RYR2: variants seen among roughly 807,000 people sequenced by gnomAD.
The protein encoded by RYR2 is ryanodine receptor 2.
Under a neutral mutation model 601.1 loss-of-function variants are expected in RYR2, and 227 were observed. The ratio of observed to expected loss-of-function variants is 0.38; its 90% CI spans 0.34 to 0.42. The LOEUF (loss-of-function observed/expected upper bound fraction) is 0.42. Ranked by LOEUF, RYR2 falls within the 10% of genes least tolerant of loss-of-function variation. The pLI is 1.00. For synonymous variants in RYR2, 2,223 were observed against 2,175.1 expected (o/e 1.02, Z -0.61); for missense variants, 4,646 against 6,156.5 (o/e 0.75, Z 8.21).
intron 1 of RYR2, among the ~76,000 whole-genome samples, chr1:237,102,904 A>T (rs1183352073): frequency 6.6e-6 from 1 of 152,228 alleles, no homozygotes; most frequent in Non-Finnish European, 1.5e-5. Flanking sequence ...ATTATAAAAT[A>T]CACGTATAAA....
chr1:237,775,703 G>C (rs1304317746), intron 87 of RYR2, among the ~76,000 whole-genome samples: 1 of 152,186 alleles, frequency 6.6e-6, no homozygotes, highest in Non-Finnish European at 1.5e-5. Flanking sequence ...GTATTGTCAA[G>C]GTTCCTACAG....
At chr1:237,200,183 A>G (rs781286771) in intron 1 of RYR2, among the ~76,000 whole-genome samples, 3 of 152,272 alleles carry the variant, frequency 2.0e-5, no homozygotes, top group East Asian at 1.9e-4. Context: ...TCACCAGGCT[A>G]TGCTGCCTCT....
chr1:237,654,267 C>A lies in RYR2; in HGVS notation c.7825-7C>A, dbSNP rs759113939. ...CTCATTGCTTTTATAATTGTTTTCC[C>A]ACATAGCTGCTGACAAATCATTATG... On this transcript the variant is annotated splice_region_variant and splice_polypyrimidine_tract_variant and intron_variant, in intron 51 of 104. Transcript: ENST00000366574. 2 of 1,612,260 alleles carry A rather than the reference C, an allele frequency of 1.2e-6. No individual in the cohort carries two copies. The highest frequency in any genetic ancestry group is 2.2e-5 in the East Asian group (1 of 44,830).
intron 1 of RYR2, among the ~76,000 whole-genome samples, chr1:237,204,060 G>A (rs1681504363): frequency 6.6e-6 from 1 of 152,176 alleles, no homozygotes; most frequent in South Asian, 2.1e-4. Context: ...GCCCAGGCTG[G>A]AGTACAGTGG....
intron 7 of RYR2, among the ~76,000 whole-genome samples, chr1:237,375,735 C>A (rs966278040): frequency 6.6e-6 from 1 of 152,140 alleles, no homozygotes; most frequent in African/African-American, 2.4e-5. Flanking sequence ...CAGGCTCTAT[C>A]ATTCCTCTGT....
Position 237,506,710 on chromosome 1 carries a change from A to C in RYR2, c.2614A>C (p.Ile872Leu). 1 of 1,607,032 alleles carries C rather than the reference A, an allele frequency of 6.2e-7. No homozygotes were observed. Among genetic ancestry groups the C allele is most frequent in the Non-Finnish European group, 8.5e-7 (1 of 1,176,960 alleles). Reference protein sequence around the residue: ...FTPIPVDTSQIVLPPHLERIR... With the variant: ...FTPIPVDTSQLVLPPHLERIR... ...TCTTTTTTCTTTTTGTAAATTTTAG[A>C]TCGTGTTGCCTCCTCATCTAGAAAG... Residue 872 changes from isoleucine to leucine, a missense_variant and splice_region_variant, in exon 23 of 105, where the codon ATC (isoleucine) becomes CTC (leucine). Coordinates refer to ENST00000366574, the MANE Select transcript of RYR2 (RefSeq NM_001035.3).
rs867123745 is a variant in RYR2 at position 237,197,589 on chromosome 1, G to A, written c.49-72908G>A. The stretch of plus-strand genomic sequence containing the variant: ...GCAAATTACTGAAAGATGCACTTAC[G>A]TGGGTGTGATAATAGGAGCATATCA... On this transcript the variant is annotated intron_variant, in intron 1 of 104. Coordinates refer to ENST00000366574, the MANE Select transcript of RYR2 (RefSeq NM_001035.3). Among the ~76,000 whole-genome samples the A allele has an allele frequency of 7.7e-4, 118 of 152,288 alleles. 1 individual carries two copies. In the Middle Eastern group the frequency reaches 0.027, roughly 35 times the overall value.
chr1:237,818,496 T>TTCC (rs576071652), intron 100 of RYR2, among the ~76,000 whole-genome samples: 123 of 152,194 alleles, frequency 8.1e-4, no homozygotes, highest in South Asian at 7.9e-3. Flanking sequence ...AAGATGCTAT[T>TTCC]TCCTCCCCAG....
chr1:237,329,043 C>T (rs1195452731), intron 2 of RYR2, among the ~76,000 whole-genome samples: 1 of 152,096 alleles, frequency 6.6e-6, no homozygotes, highest in East Asian at 1.9e-4. Flanking sequence ...TGATTAATAA[C>T]TTACGGTTCT....
At chr1:237,115,241 C>G (rs2485559) in intron 1 of RYR2, among the ~76,000 whole-genome samples, 12 of 152,214 alleles carry the variant, frequency 7.9e-5, no homozygotes, top group Admixed American at 6.5e-4. Flanking sequence ...ACCACACCCC[C>G]CCCCTTGCTC....
chr1:237,366,674 T>TCACA (rs56679247), intron 5 of RYR2, among the ~76,000 whole-genome samples: 3,619 of 144,860 alleles, frequency 0.025, 70 homozygotes, highest in African/African-American at 0.054. Context: ...ACCTCTTTAG[T>TCACA]CACACACACA....
chr1:237,617,591 C>G, intron 38 of RYR2, 105 bp downstream of exon 38: 1 of 1,070,950 alleles, frequency 9.3e-7, no homozygotes, highest in Non-Finnish European at 1.3e-6. Context: ...TTTCCTTGTT[C>G]TGTTTAAAGT....
chr1:237,736,640 T>A (rs1423716401), intron 79 of RYR2, among the ~76,000 whole-genome samples: 1 of 151,852 alleles, frequency 6.6e-6, no homozygotes, highest in Non-Finnish European at 1.5e-5. Flanking sequence ...AAAGGAAGGC[T>A]AGAGGAGAGA....
intron 10 of RYR2, among the ~76,000 whole-genome samples, chr1:237,392,366 G>A (rs1226628746): frequency 1.3e-5 from 2 of 152,080 alleles, no homozygotes; most frequent in African/African-American, 4.8e-5. Flanking sequence ...TGAAGTGATG[G>A]ATCCCTCATT....
intron 89 of RYR2, among the ~76,000 whole-genome samples, chr1:237,782,661 C>G (rs1237717698): frequency 6.6e-6 from 1 of 152,192 alleles, no homozygotes; most frequent in Non-Finnish European, 1.5e-5. Flanking sequence ...TACTAACAAA[C>G]AGCAACAATA....
intron 2 of RYR2, among the ~76,000 whole-genome samples, chr1:237,313,717 C>G (rs112365845): frequency 0.016 from 2,387 of 152,270 alleles, 17 homozygotes; most frequent in Non-Finnish European, 0.025. Context: ...GAAAATAATA[C>G]TAGGTATGTA....
intron 66 of RYR2, among the ~76,000 whole-genome samples, chr1:237,702,676 G>A (rs1688060476): frequency 6.6e-6 from 1 of 152,018 alleles, no homozygotes; most frequent in African/African-American, 2.4e-5. Flanking sequence ...TACAATTTCA[G>A]TACAGCAAAT....
At position 237,808,954 on chromosome 1, in the gene RYR2, G is replaced by A. The variant is rs765651121; in HGVS notation, c.14352G>A (p.Val4784=). ...LAVVVYLYTV[V]AFNFFRKFYN... is the part of the protein sequence containing the mutation. ...TTGTTGTATACCTATACACTGTGGTGGCATTCAATTTTTTCCGAAAATTCT... is the reference window on the plus strand; with the variant it reads ...TTGTTGTATACCTATACACTGTGGTAGCATTCAATTTTTTCCGAAAATTCT... Residue 4784 remains valine (V), a synonymous_variant, in exon 100 of 105, where the codon GTG becomes GTA. Transcript: ENST00000366574. 2.5e-6 allele frequency: 4 copies of A among 1,612,920 alleles called. No individual in the cohort carries two copies. Among genetic ancestry groups the A allele is most frequent in the Non-Finnish European group, 1.7e-6 (2 of 1,179,092 alleles).
chr1:237,809,159 A>G, intron 100 of RYR2, 124 bp downstream of exon 100: 1 of 912,326 alleles, frequency 1.1e-6, no homozygotes, highest in South Asian at 1.6e-5. Flanking sequence ...AAAAAGTTGC[A>G]GGGCTGTTTA....
Sources: allele counts gnomAD v4.1 joint callset (sites outside exome capture counted in the v4.1 genomes callset), GRCh38; gene constraint gnomAD v4.1.1; transcripts MANE v1.5; gene names NCBI Gene and HGNC (gene_info 2026-07-23, HGNC 2026-07-21).